Variants in FHIT observed in about 807,000 individuals in gnomAD.
FHIT encodes bis(5'-adenosyl)-triphosphatase.
Under a neutral mutation model 17.9 loss-of-function variants are expected in FHIT, and 19 were observed. The ratio of observed to expected loss-of-function variants is 1.06; its 90% confidence interval spans 0.74 to 1.56. The LOEUF is 1.56. Among genes scored for constraint, FHIT ranks in the 40% most tolerant of loss-of-function variants. The pLI is 0.00. For missense variants in FHIT, 248 were observed against 189.2 expected, an observed-to-expected ratio of 1.31 and a Z score of -1.82; for synonymous variants, 81 against 69.7, an observed-to-expected ratio of 1.16 and a Z score of -0.81.
At chr3:59,828,631 A>G (rs1482345369) in intron 8 of FHIT, among the ~76,000 whole-genome samples, 1 of 152,208 alleles carries the variant, frequency 6.6e-6, no homozygotes, top group Admixed American at 6.5e-5. Flanking sequence ...CTTGGACCAA[A>G]TTACATTAAA....
At chr3:60,849,395 A>G (rs1254964734) in intron 3 of FHIT, among the ~76,000 whole-genome samples, 1 of 150,090 alleles carries the variant, frequency 6.7e-6, no homozygotes, top group Non-Finnish European at 1.5e-5. Context: ...CCCAAAGAGA[A>G]TAAAATTGTC....
At chr3:60,728,941 G>A (rs762317719) in intron 4 of FHIT, among the ~76,000 whole-genome samples, 67 of 152,048 alleles carry the variant, frequency 4.4e-4, no homozygotes, top group Non-Finnish European at 8.7e-4. Context: ...ACATAATCCT[G>A]GATCATCCCC....
At chr3:60,405,278 T>C (rs979830497) in intron 5 of FHIT, among the ~76,000 whole-genome samples, 2 of 152,232 alleles carry the variant, frequency 1.3e-5, no homozygotes, top group Non-Finnish European at 2.9e-5. Flanking sequence ...GTTTTCTAAA[T>C]TGTCATGCCC....
chr3:61,219,381 T>C (rs914257208), intron 1 of FHIT, among the ~76,000 whole-genome samples: 36 of 151,194 alleles, frequency 2.4e-4, no homozygotes, highest in African/African-American at 8.0e-4. Flanking sequence ...GTGTCCTGGC[T>C]ATCCAAAATG....
At chr3:60,276,274 C>T (rs1707130218) in intron 5 of FHIT, among the ~76,000 whole-genome samples, 2 of 152,206 alleles carry the variant, frequency 1.3e-5, no homozygotes, top group African/African-American at 2.4e-5. Flanking sequence ...GCATGAGCCA[C>T]TGCACCCGGC....
At chr3:60,019,654 G>T (rs902307439) in intron 5 of FHIT, among the ~76,000 whole-genome samples, 1 of 152,118 alleles carries the variant, frequency 6.6e-6, no homozygotes, top group Non-Finnish European at 1.5e-5. Flanking sequence ...CCGACCTTAG[G>T]TGATCCACCT....
chr3:60,473,058 T>C (rs1447145942), intron 5 of FHIT, among the ~76,000 whole-genome samples: 2 of 151,958 alleles, frequency 1.3e-5, no homozygotes, highest in Non-Finnish European at 2.9e-5. Flanking sequence ...TCCTTTGCTT[T>C]AAAAAAAAGT....
At chr3:60,794,459 A>G (rs1239297792) in intron 4 of FHIT, among the ~76,000 whole-genome samples, 3 of 151,926 alleles carry the variant, frequency 2.0e-5, no homozygotes, top group Non-Finnish European at 2.9e-5. Context: ...AGTTTTCCAC[A>G]TTTTAACATT....
Position 60,830,784 on chromosome 3 carries a change from T to C in FHIT, c.-110-8773A>G, listed in dbSNP as rs1158875822. Among the ~76,000 whole-genome samples, 12 of 152,324 alleles carry C rather than the reference T, an allele frequency of 7.9e-5. No individual in the cohort carries two copies. In the East Asian group the frequency reaches 2.1e-3, roughly 27 times the overall value. On this transcript the variant is annotated intron_variant, in intron 3 of 9. Coordinates refer to ENST00000492590, the MANE Select transcript of FHIT (RefSeq NM_002012.4). ...CTACATTATCGATATTAGAGCAAAG[T>C]AGAGATCTGCCTTGTTCACAGCAAA...
chr3:61,164,375 A>G (rs1417101127), intron 2 of FHIT, among the ~76,000 whole-genome samples: 1 of 152,172 alleles, frequency 6.6e-6, no homozygotes, highest in Non-Finnish European at 1.5e-5. Flanking sequence ...TCTCAGACCT[A>G]CTGATGAAAT....
intron 3 of FHIT, among the ~76,000 whole-genome samples, chr3:60,865,428 A>T (rs921250730): frequency 6.6e-6 from 1 of 152,206 alleles, no homozygotes; most frequent in Non-Finnish European, 1.5e-5. Flanking sequence ...TGTTGGGAAA[A>T]AAATGAACTA....
At chr3:60,746,524 T>C (rs2042360001) in intron 4 of FHIT, among the ~76,000 whole-genome samples, 1 of 152,026 alleles carries the variant, frequency 6.6e-6, no homozygotes, top group African/African-American at 2.4e-5. Flanking sequence ...TAACCTACAG[T>C]CACCTGAGAA....
At chr3:60,310,670 C>T (rs750635661) in intron 5 of FHIT, among the ~76,000 whole-genome samples, 3 of 151,970 alleles carry the variant, frequency 2.0e-5, no homozygotes, top group Non-Finnish European at 4.4e-5. Context: ...AAGCACTCTA[C>T]GTATTCCTGA....
At chr3:59,758,598 A>AACAAC (rs1269592258) in intron 8 of FHIT, among the ~76,000 whole-genome samples, 1 of 152,180 alleles carries the variant, frequency 6.6e-6, no homozygotes, top group Non-Finnish European at 1.5e-5. Context: ...ATAAGGCATC[A>AACAAC]ACAACACCTC....
chr3:60,371,235 T>C (rs1315657349), intron 5 of FHIT, among the ~76,000 whole-genome samples: 1 of 152,218 alleles, frequency 6.6e-6, no homozygotes, highest in Non-Finnish European at 1.5e-5. Flanking sequence ...ATCTTTATTC[T>C]CCTGTGTCTA....
chr3:59,942,736 C>T (rs958784719), intron 7 of FHIT, among the ~76,000 whole-genome samples: 3 of 152,102 alleles, frequency 2.0e-5, no homozygotes, highest in African/African-American at 7.2e-5. Context: ...GCAGCCTCTA[C>T]CTCCCAGGCT....
chr3:59,763,216 G>C (rs529564553), intron 8 of FHIT, among the ~76,000 whole-genome samples: 5 of 152,260 alleles, frequency 3.3e-5, no homozygotes, highest in African/African-American at 1.2e-4. Context: ...GCTACATATG[G>C]CTTCTTTTTT....
At chr3:60,531,981 T>TA (rs2035803925) in intron 5 of FHIT, among the ~76,000 whole-genome samples, 1 of 152,250 alleles carries the variant, frequency 6.6e-6, no homozygotes. Flanking sequence ...TTCTTAAAGT[T>TA]ACCTAGTCTA....
intron 3 of FHIT, among the ~76,000 whole-genome samples, chr3:60,973,229 A>G (rs1710097286): frequency 6.6e-6 from 1 of 152,216 alleles, no homozygotes. Flanking sequence ...AATCATCTTA[A>G]TCCAGTTGAG....
Sources: gnomAD v4.1 joint callset for allele counts (sites outside exome capture counted in the v4.1 genomes callset) on GRCh38, gnomAD v4.1.1 for gene constraint, MANE v1.5 for transcripts, NCBI Gene and HGNC (gene_info 2026-07-23, HGNC 2026-07-21) for gene names.